Variants in GRM8 observed in about 807,000 individuals in gnomAD.
GRM8 encodes the protein glutamate metabotropic receptor 8.
Under a neutral mutation model 87.2 loss-of-function variants are expected in GRM8, and 47 were observed. The observed-to-expected ratio is 0.54, with a 90% confidence interval of 0.43 to 0.69. The LOEUF (loss-of-function observed/expected upper bound fraction) is 0.69. Ranked by LOEUF, GRM8 falls within the 30% of genes least tolerant of loss-of-function variation. The probability of loss-of-function intolerance (pLI) is 0.00; values close to 1 mark genes in which losing one functional copy is unlikely to be tolerated. For missense variants in GRM8, 1,019 were observed against 1,139.2 expected (o/e 0.89, Z 1.52); for synonymous variants, 396 against 404.5 (o/e 0.98, Z 0.25).
intron 7 of GRM8, among the ~76,000 whole-genome samples, chr7:126,625,968 C>G (rs574202289): frequency 1.3e-5 from 2 of 152,120 alleles, no homozygotes; most frequent in East Asian, 3.9e-4. Flanking sequence ...GTACTTGAAG[C>G]CCTTTATTAT....
intron 7 of GRM8, among the ~76,000 whole-genome samples, chr7:126,714,312 A>G (rs1811477016): frequency 6.8e-6 from 1 of 147,870 alleles, no homozygotes; most frequent in South Asian, 2.1e-4. Context: ...TAATAATAAT[A>G]ATAATAATAA....
At chr7:127,092,564 G>A (rs1317003638) in intron 3 of GRM8, among the ~76,000 whole-genome samples, 3 of 152,140 alleles carry the variant, frequency 2.0e-5, no homozygotes, top group African/African-American at 7.2e-5. Context: ...AAAGCTAGCT[G>A]GGTGTGGTGG....
At chr7:127,095,044 A>C (rs1824504874) in intron 3 of GRM8, among the ~76,000 whole-genome samples, 1 of 152,198 alleles carries the variant, frequency 6.6e-6, no homozygotes, top group Non-Finnish European at 1.5e-5. Flanking sequence ...GCTGTGTGAG[A>C]ATAAAGGCAG....
At chr7:126,939,271 A>T (rs1806651319) in intron 3 of GRM8, among the ~76,000 whole-genome samples, 1 of 152,168 alleles carries the variant, frequency 6.6e-6, no homozygotes, top group African/African-American at 2.4e-5. Flanking sequence ...AATGTGATAA[A>T]ATAAAAATAT....
chr7:126,741,735 C>T (rs1357951353), intron 7 of GRM8, among the ~76,000 whole-genome samples: 3 of 152,068 alleles, frequency 2.0e-5, no homozygotes, highest in African/African-American at 4.8e-5. Flanking sequence ...CCTGAGCCTT[C>T]GTTTCCTTCT....
At chr7:126,604,052 G>C (rs970289010) in intron 8 of GRM8, among the ~76,000 whole-genome samples, 1 of 151,684 alleles carries the variant, frequency 6.6e-6, no homozygotes, top group African/African-American at 2.4e-5. Flanking sequence ...CAAATGGGGA[G>C]ACTCAGGAAT....
chr7:126,472,805 G>A (rs1368100256), intron 9 of GRM8, among the ~76,000 whole-genome samples: 1 of 152,200 alleles, frequency 6.6e-6, no homozygotes, highest in African/African-American at 2.4e-5. Context: ...ACTGCTTCGT[G>A]CAGTCTCGGG....
At chr7:126,935,781 C>T (rs1410904184) in intron 3 of GRM8, among the ~76,000 whole-genome samples, 1 of 152,138 alleles carries the variant, frequency 6.6e-6, no homozygotes, top group Non-Finnish European at 1.5e-5. Flanking sequence ...CATATGTATA[C>T]CTTTGAAACC....
chr7:126,842,644 T>C (rs1213895237), intron 6 of GRM8, among the ~76,000 whole-genome samples: 1 of 152,132 alleles, frequency 6.6e-6, no homozygotes, highest in Non-Finnish European at 1.5e-5. Flanking sequence ...CAAAGCTCCT[T>C]TAATGAGGAA....
At chr7:126,819,335 A>G (rs1794088561) in intron 6 of GRM8, among the ~76,000 whole-genome samples, 1 of 150,882 alleles carries the variant, frequency 6.6e-6, no homozygotes, top group Admixed American at 6.6e-5. Flanking sequence ...TAATCTCACA[A>G]CTTCCCAGAT....
chr7:127,047,356 G>A (rs1056168261), intron 3 of GRM8, among the ~76,000 whole-genome samples: 1 of 151,992 alleles, frequency 6.6e-6, no homozygotes, highest in African/African-American at 2.4e-5. Flanking sequence ...CTAAATTGAG[G>A]GGTTAGTGAA....
intron 8 of GRM8, among the ~76,000 whole-genome samples, chr7:126,560,036 T>C (rs1313193704): frequency 6.6e-6 from 1 of 152,210 alleles, no homozygotes; most frequent in East Asian, 1.9e-4. Flanking sequence ...AAACCTGCAT[T>C]GTAGAGCAGA....
chr7:127,229,392 T>G (rs1486658741), intron 2 of GRM8: 1 of 152,182 alleles, frequency 6.6e-6, no homozygotes, highest in Non-Finnish European at 1.5e-5. Context: ...TCTATTTTAT[T>G]TTCAGCAAGG....
intron 9 of GRM8, among the ~76,000 whole-genome samples, chr7:126,467,240 C>T (rs984781062): frequency 4.6e-5 from 7 of 151,270 alleles, no homozygotes; most frequent in Non-Finnish European, 5.9e-5. Context: ...TGAGAACATG[C>T]GGTGTTTGGT....
At chr7:126,754,120 C>T (rs1360127220) in intron 7 of GRM8, among the ~76,000 whole-genome samples, 4 of 151,712 alleles carry the variant, frequency 2.6e-5, no homozygotes, top group East Asian at 1.9e-4. Flanking sequence ...TTTCAAGGAA[C>T]GCTTGAAATG....
At chr7:126,503,643 T>C (rs1809975716) in intron 9 of GRM8, among the ~76,000 whole-genome samples, 1 of 152,060 alleles carries the variant, frequency 6.6e-6, no homozygotes, top group Non-Finnish European at 1.5e-5. Flanking sequence ...ATGCATTATA[T>C]AGTAAAATTT....
chr7:126,722,948 AAT>A (rs1376849563), intron 7 of GRM8, among the ~76,000 whole-genome samples: 2 of 113,678 alleles, frequency 1.8e-5, no homozygotes, highest in African/African-American at 7.2e-5. Flanking sequence ...TGTTATAGAT[AAT>A]ATATAATATA....
intron 8 of GRM8, among the ~76,000 whole-genome samples, chr7:126,593,911 T>C (rs1366185055): frequency 1.3e-5 from 2 of 151,740 alleles, no homozygotes; most frequent in Non-Finnish European, 3.0e-5. Context: ...AGAAAACAAA[T>C]AACCTGGTAA....
intron 6 of GRM8, among the ~76,000 whole-genome samples, chr7:126,898,557 C>T (rs1647019019): frequency 6.6e-6 from 1 of 152,186 alleles, no homozygotes; most frequent in African/African-American, 2.4e-5. Context: ...ACACCATTTT[C>T]ATTGCACTAG....
Sources: allele counts gnomAD v4.1 joint callset (sites outside exome capture counted in the v4.1 genomes callset), GRCh38; gene constraint gnomAD v4.1.1; transcripts MANE v1.5; gene names NCBI Gene and HGNC (gene_info 2026-07-23, HGNC 2026-07-21).